The following CSMD1 variants were observed in gnomAD, a reference collection of about 807,000 sequenced individuals.
CSMD1 encodes CUB and Sushi multiple domains 1.
In CSMD1, 213 loss-of-function variants were observed where a neutral mutation model predicts 417.5. The ratio of observed to expected loss-of-function variants is 0.51; its 90% CI spans 0.46 to 0.57. The LOEUF (loss-of-function observed/expected upper bound fraction) is 0.57, where lower values mean the gene tolerates loss of function less well. Among genes scored for constraint, CSMD1 ranks in the 20% least tolerant of loss-of-function variants. The probability of loss-of-function intolerance (pLI) is 0.00; values close to 1 mark genes in which losing one functional copy is unlikely to be tolerated. For missense variants in CSMD1, 6,923 were observed against 4,529.7 expected (o/e 1.53, Z -15.17); for synonymous variants, 2,862 against 1,736.8 (o/e 1.65, Z -16.11).
intron 1 of CSMD1, among the ~76,000 whole-genome samples, chr8:4,849,556 A>G (rs1801343359): frequency 6.6e-6 from 1 of 152,096 alleles, no homozygotes; most frequent in Non-Finnish European, 1.5e-5. Context: ...TATGACAAGT[A>G]CTCTATACAG....
chr8:3,462,249 C>A (rs973455422), intron 12 of CSMD1, among the ~76,000 whole-genome samples: 4 of 152,268 alleles, frequency 2.6e-5, no homozygotes, highest in South Asian at 2.1e-4. Flanking sequence ...CAAGCCTGGC[C>A]CAATTGCTTC....
rs867893154 is a variant in CSMD1 at position 4,724,538 on chromosome 8, G to A, written c.86-86980C>T. Among the ~76,000 whole-genome samples, 222 of 150,812 alleles carry A rather than the reference G, an allele frequency of 1.5e-3. 7 individuals are homozygous for A. In the South Asian group the frequency reaches 0.041, roughly 28 times the overall value. The stretch of plus-strand genomic sequence containing the variant: ...TATATATATGTGTGTGTGTGTGTGT[G>A]TGTGTGTGTGTGTGTGTGTGTGTGT... On this transcript the variant is annotated intron_variant, in intron 1 of 69. Coordinates refer to ENST00000635120, the MANE Select transcript of CSMD1 (RefSeq NM_033225.6).
intron 26 of CSMD1, among the ~76,000 whole-genome samples, chr8:3,242,166 TG>T (rs1799579780): frequency 6.6e-6 from 1 of 151,676 alleles, no homozygotes; most frequent in Non-Finnish European, 1.5e-5. Context: ...GCTGGGCAGG[TG>T]GGGGAGGGCT....
At chr8:3,780,728 C>A in intron 5 of CSMD1, among the ~76,000 whole-genome samples, 1 of 152,034 alleles carries the variant, frequency 6.6e-6, no homozygotes, top group East Asian at 1.9e-4. Flanking sequence ...CAGATGCTTT[C>A]CACATAAAGC....
In CSMD1 at chr8:3,942,678, C is replaced by G. The variant is rs1163489269; in HGVS notation, c.818+55225G>C. Among the ~76,000 whole-genome samples, 2 of 152,140 alleles carry G rather than the reference C, an allele frequency of 1.3e-5. 1 individual carries two copies. The highest frequency in any genetic ancestry group is 4.1e-4 in the South Asian group (2 of 4,820). On this transcript the variant is annotated intron_variant, in intron 5 of 69. Coordinates refer to ENST00000635120, the MANE Select transcript of CSMD1 (RefSeq NM_033225.6). The stretch of plus-strand genomic sequence containing the variant: ...AAAAACTGTTTATGATTTATAGGTC[C>G]TTTTCCCTAATGCCCTTTTAAATTT...
chr8:3,778,101 G>A (rs893188379), intron 5 of CSMD1, among the ~76,000 whole-genome samples: 6 of 152,218 alleles, frequency 3.9e-5, no homozygotes, highest in African/African-American at 1.2e-4. Flanking sequence ...CTGGCCCAGA[G>A]CATTATCTTG....
intron 54 of CSMD1, among the ~76,000 whole-genome samples, chr8:2,995,142 C>G (rs1047237461): frequency 6.6e-6 from 1 of 152,146 alleles, no homozygotes; most frequent in African/African-American, 2.4e-5. Flanking sequence ...AATCATATAC[C>G]TGACAAATGA....
intron 3 of CSMD1, among the ~76,000 whole-genome samples, chr8:4,177,430 A>G (rs1348348238): frequency 6.6e-6 from 1 of 152,156 alleles, no homozygotes; most frequent in Non-Finnish European, 1.5e-5. Flanking sequence ...CATTCAAAGC[A>G]GTGTGTAGAG....
chr8:3,930,095 A>G lies in CSMD1; in HGVS notation c.818+67808T>C, dbSNP rs139671552. Reference sequence around the variant, plus strand: ...GCATGTTTTTCTTCCTTGGAAGATTATCTTTATTTGGTACTGGGAAAACCT... The same window carrying G: ...GCATGTTTTTCTTCCTTGGAAGATTGTCTTTATTTGGTACTGGGAAAACCT... On this transcript the variant is annotated intron_variant, in intron 5 of 69. Coordinates refer to ENST00000635120, the MANE Select transcript of CSMD1 (RefSeq NM_033225.6). 3.4e-3 allele frequency among the ~76,000 whole-genome samples: 509 copies of G among 150,466 alleles called. 30 individuals are homozygous for G. Among genetic ancestry groups the G allele is most frequent in the African/African-American group, 0.011 (460 of 40,858 alleles).
At position 4,459,683 on chromosome 8, in the gene CSMD1, A is replaced by T. The variant is rs903554142; in HGVS notation, c.303-39618T>A. Among the ~76,000 whole-genome samples, 28 of 152,252 alleles carry T rather than the reference A, an allele frequency of 1.8e-4. 1 individual carries two copies. Among genetic ancestry groups the T allele is most frequent in the Admixed American group, 1.8e-3 (28 of 15,286 alleles). On this transcript the variant is annotated intron_variant, in intron 2 of 69. Transcript: ENST00000635120. ...ATATCTCCTGCAAAGAAGTGTGGAC[A>T]TAAGAATATGGAGCCCAGAGCAAGT...
intron 1 of CSMD1, among the ~76,000 whole-genome samples, chr8:4,828,758 G>C (rs758000499): frequency 1.3e-5 from 2 of 152,096 alleles, no homozygotes; most frequent in Non-Finnish European, 2.9e-5. Context: ...CATTACCTAG[G>C]CTCCTCATGC....
chr8:4,589,655 C>G (rs1026305516), intron 2 of CSMD1, among the ~76,000 whole-genome samples: 5 of 152,148 alleles, frequency 3.3e-5, no homozygotes, highest in Non-Finnish European at 2.9e-5. Flanking sequence ...TGTGTTTGCA[C>G]TGTGAAGACC....
intron 3 of CSMD1, among the ~76,000 whole-genome samples, chr8:4,119,214 A>T (rs1484723798): frequency 2.0e-5 from 3 of 152,148 alleles, no homozygotes; most frequent in Non-Finnish European, 4.4e-5. Context: ...CTATGTAACA[A>T]GCCTGCACAT....
intron 41 of CSMD1, among the ~76,000 whole-genome samples, chr8:3,141,990 G>A (rs1410975381): frequency 1.3e-5 from 2 of 152,000 alleles, no homozygotes; most frequent in African/African-American, 2.4e-5. Flanking sequence ...GTAGAGACGG[G>A]GTTTCACCGT....
chr8:4,780,548 C>G (rs889564264), intron 1 of CSMD1, among the ~76,000 whole-genome samples: 1 of 151,880 alleles, frequency 6.6e-6, no homozygotes, highest in African/African-American at 2.4e-5. Flanking sequence ...GCCCAAGGTC[C>G]TATTGTAATT....
chr8:4,419,735 T>C (rs2128939535), intron 3 of CSMD1, among the ~76,000 whole-genome samples: 1 of 152,270 alleles, frequency 6.6e-6, no homozygotes, highest in Non-Finnish European at 1.5e-5. Context: ...GAAGAAAAGT[T>C]CTAGTGATAA....
chr8:3,207,869 CATTTT>C (rs1254522185), intron 30 of CSMD1, among the ~76,000 whole-genome samples: 1 of 152,134 alleles, frequency 6.6e-6, no homozygotes, highest in Non-Finnish European at 1.5e-5. Flanking sequence ...TAAATAGAAA[CATTTT>C]ATTTTCACTT....
chr8:4,621,488 C>G (rs1382527370), intron 2 of CSMD1, among the ~76,000 whole-genome samples: 2 of 151,962 alleles, frequency 1.3e-5, no homozygotes, highest in Non-Finnish European at 2.9e-5. Context: ...CATAATTCAC[C>G]AAAATTGACA....
chr8:4,938,976 T>A (rs973429828), intron 1 of CSMD1, among the ~76,000 whole-genome samples: 3 of 152,194 alleles, frequency 2.0e-5, no homozygotes, highest in Non-Finnish European at 4.4e-5. Context: ...TTTGTCCATG[T>A]TTAAATCAGG....
Sources: gnomAD v4.1 joint callset for allele counts (sites outside exome capture counted in the v4.1 genomes callset) on GRCh38, gnomAD v4.1.1 for gene constraint, MANE v1.5 for transcripts, NCBI Gene and HGNC (gene_info 2026-07-23, HGNC 2026-07-21) for gene names.